Variants in CNTN4 observed in about 807,000 individuals in gnomAD.
The protein encoded by CNTN4 is contactin 4.
In CNTN4, 77 loss-of-function variants were observed where a neutral mutation model predicts 122.5. The observed-to-expected ratio is 0.63, with a 90% confidence interval of 0.52 to 0.76. CNTN4 has a LOEUF of 0.76. Among genes scored for constraint, CNTN4 ranks in the 30% least tolerant of loss-of-function variants. CNTN4 has a pLI of 0.00. For missense variants in CNTN4, 1,256 were observed against 1,259.1 expected, an observed-to-expected ratio of 1.00 and a Z score of 0.04; for synonymous variants, 512 against 447.0, an observed-to-expected ratio of 1.15 and a Z score of -1.83.
Position 3,040,066 on chromosome 3 carries a change from A to C in CNTN4, c.2193A>C (p.Arg731=). ...ETVPEELQNG[R]GFGYVVAFRP... ...TCCCTGAGGAATTACAGAATGGTCGAGGCTTTGGTTATGTGGTGGCCTTCC... is the reference window on the plus strand; with the variant it reads ...TCCCTGAGGAATTACAGAATGGTCGCGGCTTTGGTTATGTGGTGGCCTTCC... Residue 731 remains arginine, a synonymous_variant, in exon 20 of 25, where the codon CGA becomes CGC. Transcript: ENST00000418658. 4 of 1,613,398 alleles carry C rather than the reference A, an allele frequency of 2.5e-6. No homozygotes were observed. The highest frequency in any genetic ancestry group is 2.5e-6 in the Non-Finnish European group (3 of 1,179,392).
chr3:2,281,567 G>A (rs1453414600), intron 2 of CNTN4, among the ~76,000 whole-genome samples: 2 of 152,056 alleles, frequency 1.3e-5, no homozygotes, highest in African/African-American at 4.8e-5. Flanking sequence ...GAGGCCTTCT[G>A]AAGCTCCCTG....
chr3:2,949,535 A>G (rs1462916333), intron 13 of CNTN4, among the ~76,000 whole-genome samples: 2 of 152,186 alleles, frequency 1.3e-5, no homozygotes, highest in Non-Finnish European at 2.9e-5. Flanking sequence ...ATGGGAAGGC[A>G]CAGGCTAAGC....
At chr3:2,181,843 T>C (rs979591164) in intron 2 of CNTN4, among the ~76,000 whole-genome samples, 7 of 152,094 alleles carry the variant, frequency 4.6e-5, no homozygotes, top group African/African-American at 1.7e-4. Context: ...GCACGAGTTT[T>C]GGTGGTATGA....
At chr3:2,240,283 T>G (rs892704640) in intron 2 of CNTN4, among the ~76,000 whole-genome samples, 17 of 152,288 alleles carry the variant, frequency 1.1e-4, no homozygotes, top group African/African-American at 4.1e-4. Context: ...TTTTTCCTTT[T>G]CCGTTCCTTT....
chr3:2,287,711 GGAAGAAGAAGAA>G lies in CNTN4; in HGVS notation c.-144-51411_-144-51400del, dbSNP rs56014308. 5.8e-3 allele frequency among the ~76,000 whole-genome samples: 378 copies of G among 65,412 alleles called. 8 individuals carry two copies. The highest frequency in any genetic ancestry group is 7.9e-3 in the Admixed American group (41 of 5,200). 42.9% of individuals were successfully genotyped at this position (65,412 alleles called of 152,430 possible). A position where few individuals can be genotyped will look rare whatever the true frequency, so the allele number is the denominator to read the frequency against. ...AAGAAGAGGAAGAAGAAGAAGAAGA[GGAAGAAGAAGAA>G]GAAGAAGAAGAAGAAGAAGAAGAAG... On this transcript the variant is annotated intron_variant, in intron 2 of 24. Coordinates refer to ENST00000418658, the MANE Select transcript of CNTN4 (RefSeq NM_175607.3).
intron 2 of CNTN4, among the ~76,000 whole-genome samples, chr3:2,271,125 T>C (rs966491033): frequency 7.8e-6 from 1 of 128,756 alleles, no homozygotes; most frequent in Non-Finnish European, 1.9e-5. Context: ...CTCCATATAA[T>C]AAAACTCTTT....
At chr3:2,879,495 A>C (rs2093882533) in intron 8 of CNTN4, among the ~76,000 whole-genome samples, 1 of 152,230 alleles carries the variant, frequency 6.6e-6, no homozygotes, top group Admixed American at 6.5e-5. Flanking sequence ...CCTACAGTGG[A>C]ATATTATTCT....
chr3:2,934,378 C>A (rs935934636), intron 13 of CNTN4, among the ~76,000 whole-genome samples: 11 of 152,194 alleles, frequency 7.2e-5, no homozygotes, highest in African/African-American at 2.2e-4. Context: ...TGGATCATAA[C>A]CCTAATTTGC....
chr3:2,742,642 A>G (rs2089521859), intron 5 of CNTN4, among the ~76,000 whole-genome samples: 1 of 151,978 alleles, frequency 6.6e-6, no homozygotes, highest in African/African-American at 2.4e-5. Context: ...GTTGTGCACA[A>G]CCCCACTCTC....
At chr3:2,661,390 A>G (rs2083883644) in intron 4 of CNTN4, among the ~76,000 whole-genome samples, 1 of 152,180 alleles carries the variant, frequency 6.6e-6, no homozygotes, top group African/African-American at 2.4e-5. Context: ...CTTTCTATAC[A>G]AGATTTTGCA....
intron 3 of CNTN4, among the ~76,000 whole-genome samples, chr3:2,400,336 A>G (rs1037031792): frequency 2.0e-5 from 3 of 147,938 alleles, no homozygotes; most frequent in Middle Eastern, 3.6e-3. Context: ...CATATGTAAA[A>G]GAAATATATA....
intron 4 of CNTN4, among the ~76,000 whole-genome samples, chr3:2,644,358 G>A (rs1183981496): frequency 2.0e-5 from 3 of 152,172 alleles, no homozygotes; most frequent in Non-Finnish European, 4.4e-5. Context: ...ATTGCCCATA[G>A]GCTTCATTAT....
chr3:2,458,122 G>C (rs1255487387), intron 3 of CNTN4, among the ~76,000 whole-genome samples: 1 of 152,116 alleles, frequency 6.6e-6, no homozygotes, highest in African/African-American at 2.4e-5. Flanking sequence ...ACAAGTCTCA[G>C]TTGCAGTACT....
chr3:2,463,902 G>A (rs910211448), intron 3 of CNTN4, among the ~76,000 whole-genome samples: 2 of 152,160 alleles, frequency 1.3e-5, no homozygotes, highest in Non-Finnish European at 2.9e-5. Context: ...GCCTTTATAT[G>A]TGAAGTGGAT....
intron 2 of CNTN4, among the ~76,000 whole-genome samples, chr3:2,228,978 T>G (rs1257449437): frequency 6.6e-6 from 1 of 152,174 alleles, no homozygotes; most frequent in African/African-American, 2.4e-5. Context: ...CATATGGATC[T>G]TGTTTGCTTC....
chr3:2,822,725 C>T (rs1162525623), intron 7 of CNTN4, among the ~76,000 whole-genome samples: 5 of 152,118 alleles, frequency 3.3e-5, no homozygotes, highest in East Asian at 1.9e-4. Flanking sequence ...TGTGCTGCTA[C>T]GCAATGAAGT....
intron 6 of CNTN4, among the ~76,000 whole-genome samples, chr3:2,816,820 C>CAAAAAAAA (rs538762827): frequency 2.7e-5 from 2 of 73,244 alleles, no homozygotes; most frequent in African/African-American, 5.6e-5. Flanking sequence ...ACTCTGTCTC[C>CAAAAAAAA]AAAAAAAAAA....
intron 2 of CNTN4, among the ~76,000 whole-genome samples, chr3:2,299,548 C>T (rs1484025313): frequency 6.6e-6 from 1 of 152,002 alleles, no homozygotes; most frequent in African/African-American, 2.4e-5. Context: ...AGACTTTTCC[C>T]TATAATTTTA....
intron 4 of CNTN4, among the ~76,000 whole-genome samples, chr3:2,617,419 C>CTTTTTTTTTTTTTTTTTTTTTTTTT (rs71058631): frequency 9.2e-6 from 1 of 108,526 alleles, no homozygotes; most frequent in African/African-American, 3.6e-5. Context: ...AGAGAAATGC[C>CTTTTTTTTTTTTTTTTTTTTTTTTT]TTTTTTTTTT....
Sources: gnomAD v4.1 joint callset for allele counts (sites outside exome capture counted in the v4.1 genomes callset) on GRCh38, gnomAD v4.1.1 for gene constraint, MANE v1.5 for transcripts, NCBI Gene and HGNC (gene_info 2026-07-23, HGNC 2026-07-21) for gene names.